Variants in CMTM4 observed in about 807,000 individuals in gnomAD.
CMTM4 encodes CKLF like MARVEL transmembrane domain containing 4.
Under a neutral mutation model 19.0 loss-of-function variants are expected in CMTM4, and 8 were observed. The observed-to-expected ratio is 0.42, with a 90% CI of 0.25 to 0.76. The LOEUF (loss-of-function observed/expected upper bound fraction) is 0.76. Among genes scored for constraint, CMTM4 ranks in the 30% least tolerant of loss-of-function variants. The pLI, the probability that CMTM4 is intolerant of heterozygous loss-of-function variation, is 0.27. For synonymous variants in CMTM4, 106 were observed against 121.1 expected (o/e 0.88, Z 0.82); for missense variants, 228 against 290.2 (o/e 0.79, Z 1.56).
intron 2 of CMTM4, among the ~76,000 whole-genome samples, chr16:66,627,036 G>A (rs180944738): frequency 4.6e-5 from 7 of 152,320 alleles, no homozygotes; most frequent in African/African-American, 1.2e-4. Flanking sequence ...CCAGGAGGTC[G>A]AGGCTGCAGT....
intron 1 of CMTM4, among the ~76,000 whole-genome samples, chr16:66,658,685 T>C (rs1596939934): frequency 6.6e-6 from 1 of 152,162 alleles, no homozygotes; most frequent in Non-Finnish European, 1.5e-5. Context: ...GCATTGAGGA[T>C]GTTTAGCAGC....
At chr16:66,678,012 C>G (rs770162933) in intron 1 of CMTM4, among the ~76,000 whole-genome samples, 1 of 151,970 alleles carries the variant, frequency 6.6e-6, no homozygotes, top group South Asian at 2.1e-4. Context: ...GATCTATTTT[C>G]GTGAAGAAAA....
At chr16:66,604,670 G>T in the CMTM4 span, 4 of 621,846 alleles carry the variant, frequency 6.4e-6, no homozygotes, top group East Asian at 1.2e-4. Context: ...GCGGGGCGGG[G>T]CGTGGCGGCG....
chr16:66,625,943 A>G (rs939122928), intron 2 of CMTM4, among the ~76,000 whole-genome samples: 1 of 152,248 alleles, frequency 6.6e-6, no homozygotes, highest in Non-Finnish European at 1.5e-5. Flanking sequence ...TCAAGGGCAC[A>G]GCAGATCAGA....
At chr16:66,666,287 C>A (rs1208330857) in intron 1 of CMTM4, among the ~76,000 whole-genome samples, 1 of 151,816 alleles carries the variant, frequency 6.6e-6, no homozygotes, top group Admixed American at 6.6e-5. Context: ...CCCGTCTCTA[C>A]TAAAAATACA....
rs1459364356 is a variant in CMTM4, at chr16:66,616,307, GTAAA to G, written c.*5747_*5750del. On this transcript the variant is annotated 3_prime_UTR_variant, in exon 4 of 4. Coordinates refer to ENST00000394106, the MANE Select transcript of CMTM4 (RefSeq NM_181521.3). ...CTTTGAAAAAAAAATAGTCATACTTGTAAATAAATAGTTTAGTGTTTCTGCCATG... is the reference window on the plus strand; with the variant it reads ...CTTTGAAAAAAAAATAGTCATACTTGTAAATAGTTTAGTGTTTCTGCCATG... 2 of 152,108 alleles carry G rather than the reference GTAAA, an allele frequency of 1.3e-5. No homozygotes were observed. The highest frequency in any genetic ancestry group is 2.4e-5 in the African/African-American group (1 of 41,426). The allele number at this position is 152,108 out of a possible 1,614,324, so 9.4% of individuals were successfully genotyped here.
intron 1 of CMTM4, among the ~76,000 whole-genome samples, chr16:66,641,917 T>C (rs948758445): frequency 3.3e-5 from 5 of 152,224 alleles, no homozygotes; most frequent in African/African-American, 1.2e-4. Flanking sequence ...TGTCCACATA[T>C]AGATGTTACT....
At chr16:66,694,054 A>AAG (rs1406223844) in intron 1 of CMTM4, among the ~76,000 whole-genome samples, 1 of 151,800 alleles carries the variant, frequency 6.6e-6, no homozygotes, top group Non-Finnish European at 1.5e-5. Context: ...AGTGAGAAGA[A>AAG]AGAGAGAGGG....
At chr16:66,686,538 C>T (rs1431346350) in intron 1 of CMTM4, among the ~76,000 whole-genome samples, 1 of 126,024 alleles carries the variant, frequency 7.9e-6, no homozygotes, top group East Asian at 2.4e-4. Flanking sequence ...GACAGTCAGA[C>T]TCTGTCTCAA....
chr16:66,640,659 C>G (rs355968), intron 1 of CMTM4, among the ~76,000 whole-genome samples: 105,876 of 152,088 alleles, frequency 0.7, 37,836 homozygotes, highest in African/African-American at 0.87. Context: ...AGGAGAGTGA[C>G]AAGACCCTTG....
chr16:66,631,388 T>G (rs2015867266), intron 2 of CMTM4, among the ~76,000 whole-genome samples: 2 of 151,420 alleles, frequency 1.3e-5, no homozygotes, highest in African/African-American at 4.9e-5. Flanking sequence ...TACTGGGAAG[T>G]GAGGAGCCCC....
chr16:66,681,296 T>A (rs912784097), intron 1 of CMTM4, among the ~76,000 whole-genome samples: 1 of 151,906 alleles, frequency 6.6e-6, no homozygotes, highest in Non-Finnish European at 1.5e-5. Flanking sequence ...ATAGTTGACA[T>A]GCTTTTTTTC....
At chr16:66,609,229 C>G in the CMTM4 span, 2 of 586,910 alleles carry the variant, frequency 3.4e-6, no homozygotes, top group South Asian at 4.2e-5. This position sits in a 1 kb window ranked among gnomAD's most constrained non-coding sequence, Gnocchi z 4.4. Flanking sequence ...CCGCTGGACC[C>G]GGGATAGGGC....
chr16:66,693,358 A>AGCAGTCCGC (rs1220006830), intron 1 of CMTM4, among the ~76,000 whole-genome samples: 1 of 152,218 alleles, frequency 6.6e-6, no homozygotes, highest in Non-Finnish European at 1.5e-5. Flanking sequence ...CCTAGGCTCA[A>AGCAGTCCGC]GCAGTCCCCC....
At chr16:66,650,504 T>G (rs1013816104) in intron 1 of CMTM4, among the ~76,000 whole-genome samples, 1 of 152,082 alleles carries the variant, frequency 6.6e-6, no homozygotes, top group Non-Finnish European at 1.5e-5. Context: ...TGGACACAAG[T>G]GTGGAGAGTG....
At position 66,622,519 on chromosome 16, in the gene CMTM4, G is replaced by C. The variant is rs188391752; in HGVS notation, c.463-297C>G. ...AGTCATGTGACACACAGAAAATCTTGCCTGACCTAAAGACAGCCTAAGGTT... is the reference window on the plus strand; with the variant it reads ...AGTCATGTGACACACAGAAAATCTTCCCTGACCTAAAGACAGCCTAAGGTT... On this transcript the variant is annotated intron_variant, in intron 3 of 3. Transcript: ENST00000394106. The surrounding 1 kb of genome is among the most constrained non-coding windows in gnomAD (Gnocchi z 4.0). 2.6e-5 allele frequency among the ~76,000 whole-genome samples: 4 copies of C among 152,324 alleles called. No homozygotes were observed. The highest frequency in any genetic ancestry group is 7.2e-5 in the African/African-American group (3 of 41,562).
downstream of CMTM4, among the ~76,000 whole-genome samples, chr16:66,611,508 C>T (rs1014586696): frequency 4.6e-5 from 7 of 152,158 alleles, no homozygotes; most frequent in Admixed American, 6.5e-5. Flanking sequence ...GCCCAGGAAC[C>T]GGAGTGAGGG....
intron 1 of CMTM4, among the ~76,000 whole-genome samples, chr16:66,676,622 AC>A (rs910638848): frequency 7.0e-4 from 107 of 152,312 alleles, no homozygotes; most frequent in African/African-American, 2.4e-3. Context: ...GACTGGAGCC[AC>A]CTTGACCCTT....
In CMTM4 at chr16:66,622,362, T is replaced by C; in HGVS notation, c.463-140A>G. The C allele has an allele frequency of 1.1e-6, 1 of 923,034 alleles. No individual in the cohort carries two copies. The highest frequency in any genetic ancestry group is 1.6e-6 in the Non-Finnish European group (1 of 619,680). 57.2% of individuals were successfully genotyped at this position (923,034 alleles called of 1,614,324 possible). The stretch of plus-strand genomic sequence containing the variant: ...CCCTGTGCCTTCATTCCTTGATCTC[T>C]TCCCCCTCTCAGCAGCCCCATTTGA... On this transcript the variant is annotated intron_variant, in intron 3 of 3. Transcript: ENST00000394106. This position sits in a 1 kb window ranked among gnomAD's most constrained non-coding sequence, Gnocchi z 4.0.
Sources: gnomAD v4.1 joint callset for allele counts (sites outside exome capture counted in the v4.1 genomes callset) on GRCh38, gnomAD v4.1.1 for gene constraint, Gnocchi (gnomAD v3.1) non-coding constraint, MANE v1.5 for transcripts, NCBI Gene and HGNC (gene_info 2026-07-23, HGNC 2026-07-21) for gene names.